The following SLC6A17 variants were observed in gnomAD, a reference collection of about 807,000 sequenced individuals.
The protein encoded by SLC6A17 is solute carrier family 6 member 17, also known as sodium-dependent neutral amino acid transporter SLC6A17.
SLC6A17 carries 21 observed loss-of-function variants against 64.5 expected under a neutral mutation model. The observed-to-expected ratio is 0.33, with a 90% CI of 0.23 to 0.47. The LOEUF (loss-of-function observed/expected upper bound fraction) is 0.47, where lower values mean the gene tolerates loss of function less well. Among genes scored for constraint, SLC6A17 ranks in the 20% least tolerant of loss-of-function variants. The pLI, the probability that SLC6A17 is intolerant of heterozygous loss-of-function variation, is 1.00. For missense variants in SLC6A17, 682 were observed against 963.2 expected (o/e 0.71, Z 3.86); for synonymous variants, 372 against 399.5 (o/e 0.93, Z 0.82).
At chr1:110,181,293 C>T (rs531008110) in intron 6 of SLC6A17, among the ~76,000 whole-genome samples, 2 of 152,322 alleles carry the variant, frequency 1.3e-5, no homozygotes, top group South Asian at 4.1e-4. Flanking sequence ...TTCAGCCCAG[C>T]AATTTAACTT....
chr1:110,165,892 T>G (rs781083489), intron 1 of SLC6A17, among the ~76,000 whole-genome samples: 6 of 152,200 alleles, frequency 3.9e-5, no homozygotes, highest in Non-Finnish European at 8.8e-5. Context: ...CCTCCAACCT[T>G]CCCTTAATGA....
At chr1:110,154,467 C>T (rs11803000) in intron 1 of SLC6A17, among the ~76,000 whole-genome samples, 1 of 152,144 alleles carries the variant, frequency 6.6e-6, no homozygotes, top group Admixed American at 6.5e-5. Context: ...AAGGGGAAAT[C>T]GGCCTGTACT....
intron 6 of SLC6A17, among the ~76,000 whole-genome samples, chr1:110,182,470 CAG>C (rs539487999): frequency 5.3e-5 from 8 of 151,540 alleles, no homozygotes; most frequent in East Asian, 1.9e-4. Flanking sequence ...TGCGGGATAA[CAG>C]AGAGAATTTA....
intron 3 of SLC6A17, 145 bp from the exon 4 acceptor site, chr1:110,173,827 CG>C: frequency 1.7e-6 from 2 of 1,162,252 alleles, no homozygotes; most frequent in Non-Finnish European, 1.2e-6. Context: ...AGCTCCTCCA[CG>C]GCCCGCACCC....
At chr1:110,191,910 CA>C (rs1356202495) in intron 6 of SLC6A17, 61 bp from the exon 7 acceptor site, 1 of 1,570,090 alleles carries the variant, frequency 6.4e-7, no homozygotes, top group African/African-American at 1.4e-5. Flanking sequence ...GGGGTGTGCA[CA>C]TGAATAAAAC....
At chr1:110,191,206 G>A (rs1656817482) in intron 6 of SLC6A17, among the ~76,000 whole-genome samples, 2 of 152,220 alleles carry the variant, frequency 1.3e-5, no homozygotes, top group Non-Finnish European at 2.9e-5. Context: ...TGGGAGTCAG[G>A]ATTTGGATCT....
At chr1:110,195,047 G>A in intron 9 of SLC6A17, 2 of 501,034 alleles carry the variant, frequency 4.0e-6, no homozygotes, top group South Asian at 4.1e-5. Context: ...GGCCTGCTGA[G>A]TCGTCTTGGG....
At chr1:110,165,946 G>T (rs146555130) in intron 1 of SLC6A17, among the ~76,000 whole-genome samples, 1 of 152,222 alleles carries the variant, frequency 6.6e-6, no homozygotes, top group Admixed American at 6.5e-5. Context: ...TTCTTCAAAG[G>T]CTTCGTTTTC....
chr1:110,198,904 G>T lies in SLC6A17; in HGVS notation c.*460G>T. The T allele has an allele frequency of 1.2e-5, 2 of 161,332 alleles. No individual in the cohort carries two copies. The highest frequency in any genetic ancestry group is 2.7e-5 in the Non-Finnish European group (2 of 73,854). The allele number at this position is 161,332 out of a possible 1,614,324, so 10.0% of individuals were successfully genotyped here. A position where few individuals can be genotyped will look rare whatever the true frequency, so the allele number is the denominator to read the frequency against. ...TTGGCTCACTCTGCCATGAGAACAG[G>T]ACACCATCCTGCCCAGCCCAGACGG... On this transcript the variant is annotated 3_prime_UTR_variant, in exon 12 of 12. Transcript: ENST00000331565.
intron 6 of SLC6A17, chr1:110,178,760 T>C (rs1656436550): frequency 6.6e-6 from 1 of 152,262 alleles, no homozygotes; most frequent in Non-Finnish European, 1.5e-5. Context: ...CTTGAGCCTC[T>C]TTTTATAGGG....
intron 1 of SLC6A17, among the ~76,000 whole-genome samples, chr1:110,159,405 C>G (rs1449361209): frequency 6.6e-6 from 1 of 152,216 alleles, no homozygotes; most frequent in African/African-American, 2.4e-5. Context: ...AGTTCCTCCC[C>G]CTCTGGACCA....
intron 1 of SLC6A17, among the ~76,000 whole-genome samples, chr1:110,154,137 G>A (rs997086138): frequency 6.6e-6 from 1 of 152,164 alleles, no homozygotes; most frequent in African/African-American, 2.4e-5. Flanking sequence ...GCTTATTGAG[G>A]CTTCTGTGCT....
At chr1:110,187,141 C>G (rs1473809795) in intron 6 of SLC6A17, among the ~76,000 whole-genome samples, 3 of 151,902 alleles carry the variant, frequency 2.0e-5, no homozygotes, top group African/African-American at 7.3e-5. Context: ...AAAACAAAAA[C>G]AAAAAACCAC....
rs1657137960 is a variant in SLC6A17, at chr1:110,201,876, C to T, written c.*3432C>T. 6.6e-6 allele frequency: 1 copy of T among 152,256 alleles called. No individual in the cohort carries two copies. The highest frequency in any genetic ancestry group is 1.5e-5 in the Non-Finnish European group (1 of 68,120). The allele number at this position is 152,256 out of a possible 1,614,324, so 9.4% of individuals were successfully genotyped here. On this transcript the variant is annotated 3_prime_UTR_variant, in exon 12 of 12. Transcript: ENST00000331565. ...TAAACTGGTTAGAATGAACCTGGCTCCCTGAGCATCCCTGGATCCTTCAAA... is the reference window on the plus strand; with the variant it reads ...TAAACTGGTTAGAATGAACCTGGCTTCCTGAGCATCCCTGGATCCTTCAAA...
chr1:110,197,221 G>A (rs1328338170), intron 10 of SLC6A17, among the ~76,000 whole-genome samples: 3 of 152,218 alleles, frequency 2.0e-5, no homozygotes, highest in African/African-American at 4.8e-5. Context: ...TCTGGATGGG[G>A]TATGATGTGA....
chr1:110,151,652 GAAAGAAGCGTGATGTTTCCTTTT>G (rs879609658), intron 1 of SLC6A17, among the ~76,000 whole-genome samples: 8 of 152,220 alleles, frequency 5.3e-5, no homozygotes, highest in Admixed American at 5.2e-4. Flanking sequence ...GGCTGCCTTG[GAAAGAAGCGTGATGTTTCCTTTT>G]AAAGCCCAGA....
intron 6 of SLC6A17, among the ~76,000 whole-genome samples, chr1:110,185,840 T>G (rs1656671139): frequency 6.6e-6 from 1 of 152,192 alleles, no homozygotes; most frequent in Non-Finnish European, 1.5e-5. Context: ...AGGCTCAATT[T>G]ACCCCCAGAT....
chr1:110,167,257 A>G (rs1401746082), intron 2 of SLC6A17, 42 bp downstream of exon 2: 2 of 1,578,392 alleles, frequency 1.3e-6, no homozygotes, highest in Non-Finnish European at 1.7e-6. Context: ...CCCTGCAAAT[A>G]GGCCGGGGAT....
chr1:110,195,132 C>T (rs1000675583), intron 9 of SLC6A17: 1 of 422,582 alleles, frequency 2.4e-6, no homozygotes, highest in African/African-American at 2.0e-5. Flanking sequence ...CACTCCAGTC[C>T]CGGGCTGTGT....
Sources: gnomAD v4.1 joint callset for allele counts (sites outside exome capture counted in the v4.1 genomes callset) on GRCh38, gnomAD v4.1.1 for gene constraint, MANE v1.5 for transcripts, NCBI Gene and HGNC (gene_info 2026-07-23, HGNC 2026-07-21) for gene names.